Variants in OCRL observed in about 807,000 individuals in gnomAD.
OCRL encodes inositol polyphosphate 5-phosphatase OCRL.
Under a neutral mutation model 78.9 loss-of-function variants are expected in OCRL, and 8 were observed. The observed-to-expected ratio is 0.10, with a 90% confidence interval of 0.06 to 0.18. OCRL has a LOEUF of 0.18. Ranked by LOEUF, OCRL falls within the 10% of genes least tolerant of loss-of-function variation. The pLI is 1.00. For missense variants in OCRL, 454 were observed against 696.7 expected (o/e 0.65, Z 3.92); for synonymous variants, 240 against 235.4 (o/e 1.02, Z -0.18).
At chrX:129,543,825 A>C (rs921722102) in intron 2 of OCRL, among the ~76,000 whole-genome samples, 8 of 112,623 alleles carry the variant, frequency 7.1e-5, no homozygotes, top group Non-Finnish European at 1.5e-4. Flanking sequence ...TGAAAAATTC[A>C]CCGCTGCTTA....
chrX:129,550,139 AT>A (rs1935939775), intron 4 of OCRL, among the ~76,000 whole-genome samples: 1 of 112,058 alleles, frequency 8.9e-6, no homozygotes, highest in African/African-American at 3.2e-5. Context: ...TTTGTAAATA[AT>A]TTTTTCTCAC....
intron 14 of OCRL, among the ~76,000 whole-genome samples, chrX:129,567,764 T>C (rs1338569997): frequency 8.9e-6 from 1 of 111,820 alleles, no homozygotes; most frequent in Admixed American, 9.4e-5. Flanking sequence ...AACGAAGCCA[T>C]GAAGGGTTCT....
chrX:129,557,212 C>G, intron 4 of OCRL, 113 bp from the exon 5 acceptor site: 1 of 616,556 alleles, frequency 1.6e-6, no homozygotes. Context: ...TATTAGAGAT[C>G]TGGAATATTT....
At chrX:129,549,005 T>G (rs1270180345) in intron 4 of OCRL, among the ~76,000 whole-genome samples, 1 of 111,568 alleles carries the variant, frequency 9.0e-6, no homozygotes, top group Admixed American at 9.5e-5. Context: ...CCCTACCCTC[T>G]TTTTAAATTT....
intron 19 of OCRL, 55 bp from the exon 20 acceptor site, chrX:129,586,947 C>A: frequency 1.3e-6 from 1 of 782,688 alleles, no homozygotes; most frequent in Non-Finnish European, 2.0e-6. Context: ...TTAAGTTATA[C>A]ACCAAAGTCT....
intron 1 of OCRL, 50 bp from the exon 2 acceptor site, chrX:129,540,694 C>A (rs1382408263): frequency 2.8e-6 from 3 of 1,060,968 alleles, no homozygotes; most frequent in Non-Finnish European, 1.3e-6. Flanking sequence ...CGCAGTGCAC[C>A]ACTCCTCCCC....
intron 3 of OCRL, among the ~76,000 whole-genome samples, chrX:129,546,729 C>T (rs1308397891): frequency 8.9e-6 from 1 of 111,826 alleles, no homozygotes; most frequent in Non-Finnish European, 1.9e-5. Context: ...TACCTTTTTA[C>T]TCTACCTCTA....
In OCRL at chrX:129,567,377, A is replaced by G; in HGVS notation, c.1466+14A>G. 9.4e-7 allele frequency: 1 copy of G among 1,065,362 alleles called. No individual in the cohort carries two copies. Among genetic ancestry groups the G allele is most frequent in the Non-Finnish European group, 1.3e-6 (1 of 762,355 alleles). The allele number at this position is 1,065,362 out of a possible 1,213,427, so 87.8% of individuals were successfully genotyped here. On this transcript the variant is annotated intron_variant, in intron 14 of 23. Transcript: ENST00000371113. ...GTGGGATTCCAGGTAAAGTAATAAG[A>G]ACCTTCTCACAGAGAAGGTTAAGGC...
chrX:129,559,842 A>G (rs1481180656), intron 8 of OCRL, among the ~76,000 whole-genome samples: 1 of 111,198 alleles, frequency 9.0e-6, no homozygotes, highest in Non-Finnish European at 1.9e-5. Flanking sequence ...GTGAGGTACC[A>G]TGTGGCATGT....
At chrX:129,576,201 T>TC in intron 17 of OCRL, 116 bp from the exon 18 acceptor site, 1 of 898,421 alleles carries the variant, frequency 1.1e-6, no homozygotes, top group Non-Finnish European at 1.6e-6. Flanking sequence ...TCCTGTCTCT[T>TC]CCCCCTCATT....
In OCRL at chrX:129,544,994, T is replaced by G. The variant is rs1229712591; in HGVS notation, c.156T>G (p.Val52=). The part of the protein sequence containing the change: ...IIQLHEKEQH[V]QDIIPINSHF... ...AGTTGCATGAGAAGGAACAGCATGT[T>G]CAAGATATCATTCCTATAAATAGCC... The change falls in exon 3 of 24, where the codon GTT becomes GTG. Residue 52 remains valine, a synonymous_variant. Transcript: ENST00000371113. The G allele has an allele frequency of 3.5e-6, 4 of 1,158,727 alleles. No homozygotes were observed. The highest frequency in any genetic ancestry group is 4.7e-6 in the Non-Finnish European group (4 of 848,440).
At position 129,557,754 on chromosome X, in the gene OCRL, T is replaced by C. The variant is rs1602780990; in HGVS notation, c.350-107T>C. On this transcript the variant is annotated intron_variant, in intron 5 of 23. Coordinates refer to ENST00000371113, the MANE Select transcript of OCRL (RefSeq NM_000276.4). Reference sequence around the variant, plus strand: ...TTTCTTCCACTGTATCCAAAAATGGTGCTGGCCCCTGCATATAAGGAATGT... The same window carrying C: ...TTTCTTCCACTGTATCCAAAAATGGCGCTGGCCCCTGCATATAAGGAATGT... 5 of 608,291 alleles carry C rather than the reference T, an allele frequency of 8.2e-6. No individual in the cohort carries two copies. In the East Asian group the frequency reaches 1.6e-4, roughly 20 times the overall value. The allele number at this position is 608,291 out of a possible 1,213,427, so 50.1% of individuals were successfully genotyped here.
Position 129,570,596 on chromosome X carries a change from A to G in OCRL, c.1602+1197A>G, listed in dbSNP as rs141157035. ...GGTCTTAGAATAGATTTTAAATTTTATCAAGACAATCATGACTTTACTTTT... is the reference window on the plus strand; with the variant it reads ...GGTCTTAGAATAGATTTTAAATTTTGTCAAGACAATCATGACTTTACTTTT... On this transcript the variant is annotated intron_variant, in intron 15 of 23. Transcript: ENST00000371113. Among the ~76,000 whole-genome samples, 585 of 112,563 alleles carry G rather than the reference A, an allele frequency of 5.2e-3. 7 individuals carry two copies. Among genetic ancestry groups the G allele is most frequent in the African/African-American group, 0.018 (556 of 30,955 alleles).
At chrX:129,563,206 C>G (rs1489838820) in intron 12 of OCRL, among the ~76,000 whole-genome samples, 1 of 111,662 alleles carries the variant, frequency 9.0e-6, no homozygotes, top group Non-Finnish European at 1.9e-5. Context: ...TCTGTACTGT[C>G]CAATATGACA....
intron 15 of OCRL, among the ~76,000 whole-genome samples, chrX:129,571,971 A>T (rs1361911728): frequency 1.8e-5 from 2 of 111,725 alleles, no homozygotes; most frequent in Non-Finnish European, 3.8e-5. Flanking sequence ...TTCTGTGATG[A>T]TGGAAATGTC....
At chrX:129,544,935 TG>T (rs1935858313) in intron 2 of OCRL, 22 bp from the exon 3 acceptor site, 1 of 1,002,734 alleles carries the variant, frequency 1.0e-6, no homozygotes, top group African/African-American at 1.9e-5. Flanking sequence ...GGCTGTTCTT[TG>T]ATGCGTTCTT....
chrX:129,560,682 C>A, intron 9 of OCRL, 31 bp downstream of exon 9: 1 of 1,002,001 alleles, frequency 1.0e-6, no homozygotes, highest in Non-Finnish European at 1.4e-6. Context: ...TTCCTTTTGG[C>A]TATATGTTTG....
At chrX:129,565,679 TATC>T (rs1936207921) in intron 12 of OCRL, 90 bp from the exon 13 acceptor site, 1 of 669,322 alleles carries the variant, frequency 1.5e-6, no homozygotes, top group Non-Finnish European at 2.4e-6. Flanking sequence ...AGTGAGCCCT[TATC>T]AATAATCTAC....
At chrX:129,581,869 CTCTG>C (rs1222893203) in intron 18 of OCRL, among the ~76,000 whole-genome samples, 1 of 99,474 alleles carries the variant, frequency 1.0e-5, no homozygotes, top group African/African-American at 3.7e-5. Flanking sequence ...CTCTCTCTGT[CTCTG>C]TCTCTGCCCT....
Sources: allele counts gnomAD v4.1 joint callset (sites outside exome capture counted in the v4.1 genomes callset), GRCh38; gene constraint gnomAD v4.1.1; transcripts MANE v1.5; gene names NCBI Gene and HGNC (gene_info 2026-07-23, HGNC 2026-07-21).